FGF1: variants seen among roughly 807,000 people sequenced by gnomAD.
FGF1 encodes the protein fibroblast growth factor 1.
In FGF1, 9 loss-of-function variants were observed where a neutral mutation model predicts 13.4. The ratio of observed to expected loss-of-function variants is 0.67; its 90% CI spans 0.40 to 1.17. The LOEUF (loss-of-function observed/expected upper bound fraction) is 1.17. FGF1 is among the 50% of genes most tolerant of loss of function. FGF1 has a pLI of 0.01. For missense variants in FGF1, 156 were observed against 192.7 expected, an observed-to-expected ratio of 0.81 and a Z score of 1.13; for synonymous variants, 93 against 79.0, an observed-to-expected ratio of 1.18 and a Z score of -0.94.
At chr5:142,681,951 C>T (rs968325066) in intron 1 of FGF1, among the ~76,000 whole-genome samples, 3 of 152,170 alleles carry the variant, frequency 2.0e-5, no homozygotes, top group South Asian at 2.1e-4. Flanking sequence ...TCTGAGTGCG[C>T]GTACATGTGA....
Position 142,629,017 on chromosome 5 carries a change from T to C in FGF1, c.-34-14856A>G, listed in dbSNP as rs530406726. Among the ~76,000 whole-genome samples, 245 of 152,296 alleles carry C rather than the reference T, an allele frequency of 1.6e-3. 1 individual carries two copies. The highest frequency in any genetic ancestry group is 5.6e-3 in the African/African-American group (232 of 41,570). On this transcript the variant is annotated intron_variant, in intron 1 of 3. Coordinates refer to ENST00000337706, the MANE Select transcript of FGF1 (RefSeq NM_000800.5). ...GGGTGGGGAAGACAGAAGGCAGAAC[T>C]TTTCCTAGTGTTTCACGATATTGTA...
chr5:142,668,054 C>A (rs1303075300), intron 1 of FGF1, among the ~76,000 whole-genome samples: 1 of 152,204 alleles, frequency 6.6e-6, no homozygotes, highest in Non-Finnish European at 1.5e-5. Context: ...GGCCTGGGCT[C>A]CACGCCACTC....
intron 1 of FGF1, among the ~76,000 whole-genome samples, chr5:142,642,070 T>A (rs900902077): frequency 6.6e-6 from 1 of 152,128 alleles, no homozygotes; most frequent in Non-Finnish European, 1.5e-5. Flanking sequence ...GAAAATCAAA[T>A]GAAGCATGGG....
At chr5:142,693,662 C>A (rs181592828) in intron 2 of FGF1, among the ~76,000 whole-genome samples, 1 of 152,222 alleles carries the variant, frequency 6.6e-6, no homozygotes, top group East Asian at 1.9e-4. Flanking sequence ...CCAAAGAAAC[C>A]CCATATCCAT....
chr5:142,633,902 C>T (rs993764802), intron 1 of FGF1, among the ~76,000 whole-genome samples: 3 of 151,998 alleles, frequency 2.0e-5, no homozygotes, highest in Non-Finnish European at 4.4e-5. Context: ...AGACCTCCCT[C>T]GGCTGGGCGT....
chr5:142,671,974 A>G (rs1771545112), intron 1 of FGF1: 2 of 152,196 alleles, frequency 1.3e-5, no homozygotes, highest in East Asian at 1.9e-4. Flanking sequence ...TTCAGCCACA[A>G]CTGAGGTTTT....
At chr5:142,667,438 T>A (rs536102829) in intron 1 of FGF1, among the ~76,000 whole-genome samples, 1 of 149,974 alleles carries the variant, frequency 6.7e-6, no homozygotes, top group South Asian at 2.1e-4. Flanking sequence ...TACAAAAAAT[T>A]AGCTGGGCGC....
chr5:142,603,140 G>A (rs954175181), intron 2 of FGF1, among the ~76,000 whole-genome samples: 1 of 152,160 alleles, frequency 6.6e-6, no homozygotes, highest in Non-Finnish European at 1.5e-5. Context: ...ACTGTAAGCT[G>A]GGCCCTGCTC....
At chr5:142,608,417 A>G (rs900638884) in intron 2 of FGF1, among the ~76,000 whole-genome samples, 2 of 151,804 alleles carry the variant, frequency 1.3e-5, no homozygotes, top group Non-Finnish European at 2.9e-5. Context: ...TGTAGCCACA[A>G]GCCGGGATTG....
intron 1 of FGF1, among the ~76,000 whole-genome samples, chr5:142,619,407 G>T (rs1761022986): frequency 6.6e-6 from 1 of 152,168 alleles, no homozygotes; most frequent in Non-Finnish European, 1.5e-5. Flanking sequence ...CCTTGGCTTT[G>T]GTTCCAAATA....
At chr5:142,672,753 C>T (rs1249752051) in intron 1 of FGF1, among the ~76,000 whole-genome samples, 1 of 152,176 alleles carries the variant, frequency 6.6e-6, no homozygotes, top group African/African-American at 2.4e-5. Context: ...GGTCTTCCTG[C>T]CTCGGCCTCC....
intron 1 of FGF1, chr5:142,627,306 T>C (rs1398138040): frequency 1.3e-5 from 2 of 152,216 alleles, no homozygotes; most frequent in Non-Finnish European, 2.9e-5. Context: ...AGAAGTGTGA[T>C]GCAGAGAGAA....
At chr5:142,598,393 CAT>C (rs1417530615) in intron 3 of FGF1, among the ~76,000 whole-genome samples, 2 of 152,186 alleles carry the variant, frequency 1.3e-5, no homozygotes, top group Non-Finnish European at 2.9e-5. Flanking sequence ...ATGCTGAAGA[CAT>C]GTGGCTTAAC....
At chr5:142,675,937 G>A (rs960765256) in intron 1 of FGF1, among the ~76,000 whole-genome samples, 8 of 152,196 alleles carry the variant, frequency 5.3e-5, no homozygotes, top group African/African-American at 1.9e-4. Context: ...TTGAGCGAAA[G>A]GGATCTATTG....
intron 1 of FGF1, 97 bp from the exon 2 acceptor site, chr5:142,614,258 C>T (rs531041517): frequency 3.2e-6 from 3 of 942,340 alleles, no homozygotes; most frequent in Admixed American, 2.5e-5. Flanking sequence ...ACAGGGTTCC[C>T]GGGTAGTGAG....
intron 1 of FGF1, among the ~76,000 whole-genome samples, chr5:142,634,937 A>G (rs1477405785): frequency 6.6e-6 from 1 of 151,978 alleles, no homozygotes; most frequent in African/African-American, 2.4e-5. Context: ...GTAATTAGCC[A>G]GAACAGGATA....
intron 1 of FGF1, among the ~76,000 whole-genome samples, chr5:142,630,562 C>T (rs532428243): frequency 2.0e-5 from 3 of 152,306 alleles, no homozygotes; most frequent in Non-Finnish European, 4.4e-5. Flanking sequence ...AAACCCTTAC[C>T]ATGGCCTATG....
At chr5:142,621,825 A>G (rs1285200550) in intron 1 of FGF1, among the ~76,000 whole-genome samples, 3 of 151,996 alleles carry the variant, frequency 2.0e-5, no homozygotes, top group Non-Finnish European at 4.4e-5. Context: ...ACCTTTGCCC[A>G]TGCTGTTCCC....
chr5:142,692,745 G>C (rs2152071274), intron 2 of FGF1, among the ~76,000 whole-genome samples: 1 of 149,284 alleles, frequency 6.7e-6, no homozygotes, highest in East Asian at 1.9e-4. Flanking sequence ...TTAATTTCAG[G>C]AAGTTACAAG....
Sources: allele counts gnomAD v4.1 joint callset (sites outside exome capture counted in the v4.1 genomes callset), GRCh38; gene constraint gnomAD v4.1.1; transcripts MANE v1.5; gene names NCBI Gene and HGNC (gene_info 2026-07-23, HGNC 2026-07-21).